LOXHD1: variants seen among roughly 807,000 people sequenced by gnomAD.
LOXHD1 encodes lipoxygenase homology domain-containing protein 1.
Under a neutral mutation model 248.2 loss-of-function variants are expected in LOXHD1, and 205 were observed. That is an observed-to-expected ratio of 0.83 (90% CI 0.74 to 0.93). The LOEUF is 0.93. Among genes scored for constraint, LOXHD1 ranks in the 40% least tolerant of loss-of-function variants. The pLI, the probability that LOXHD1 is intolerant of heterozygous loss-of-function variation, is 0.00. For synonymous variants in LOXHD1, 1,113 were observed against 1,162.8 expected, an observed-to-expected ratio of 0.96 and a Z score of 0.87; for missense variants, 2,930 against 2,971.6, an observed-to-expected ratio of 0.99 and a Z score of 0.33.
At chr18:46,497,952 C>T (rs564514076) in intron 37 of LOXHD1, among the ~76,000 whole-genome samples, 19 of 152,214 alleles carry the variant, frequency 1.2e-4, no homozygotes, top group African/African-American at 3.9e-4. Flanking sequence ...GTCACAAGGC[C>T]GAGGTCTCAG....
chr18:46,487,809 C>T (rs1232133528), intron 38 of LOXHD1, among the ~76,000 whole-genome samples: 1 of 152,134 alleles, frequency 6.6e-6, no homozygotes, highest in Non-Finnish European at 1.5e-5. Context: ...GTACTGAGAC[C>T]ACGGGAGCCT....
chr18:46,501,145 G>A (rs1295638535), intron 37 of LOXHD1, among the ~76,000 whole-genome samples: 89 of 152,280 alleles, frequency 5.8e-4, no homozygotes, highest in Non-Finnish European at 1.5e-5. Context: ...TTATTCACAT[G>A]TTCAATCTTT....
chr18:46,507,455 C>T lies in LOXHD1; in HGVS notation c.5692+83G>A, dbSNP rs2034643901. On this transcript the variant is annotated intron_variant, in intron 36 of 40. Coordinates refer to ENST00000642948, the MANE Select transcript of LOXHD1 (RefSeq NM_001384474.1). Reference sequence around the variant, plus strand: ...TGGAAGGCCTTATGAAGAAAAATGCCCTGACCAGAAACAAGGGCCTGAGCC... The same window carrying T: ...TGGAAGGCCTTATGAAGAAAAATGCTCTGACCAGAAACAAGGGCCTGAGCC... The T allele has an allele frequency of 8.7e-6, 13 of 1,492,598 alleles. No individual in the cohort carries two copies. The Middle Eastern group carries it at 5.4e-4, about 62-fold the overall frequency. 92.5% of individuals were successfully genotyped at this position (1,492,598 alleles called of 1,614,324 possible). A position where few individuals can be genotyped will look rare whatever the true frequency, so the allele number is the denominator to read the frequency against.
intron 29 of LOXHD1, among the ~76,000 whole-genome samples, chr18:46,526,781 C>T (rs2035849756): frequency 6.6e-6 from 1 of 152,208 alleles, no homozygotes; most frequent in Admixed American, 6.5e-5. Context: ...ACCATGCTGG[C>T]TCAGTGAGTG....
At chr18:46,621,659 GAAC>G (rs2038670240) in intron 4 of LOXHD1, among the ~76,000 whole-genome samples, 1 of 152,020 alleles carries the variant, frequency 6.6e-6, no homozygotes, top group Non-Finnish European at 1.5e-5. Flanking sequence ...TAATCTGTGA[GAAC>G]AAAACGCCCA....
At chr18:46,518,440 C>T (rs1406646116) in intron 33 of LOXHD1, among the ~76,000 whole-genome samples, 184 bp from the exon 34 acceptor site, 2 of 152,202 alleles carry the variant, frequency 1.3e-5, no homozygotes, top group East Asian at 1.9e-4. Flanking sequence ...TCTTATATAC[C>T]CCACTGTGCC....
intron 16 of LOXHD1, among the ~76,000 whole-genome samples, chr18:46,569,181 A>G (rs1047771669): frequency 6.6e-6 from 1 of 152,206 alleles, no homozygotes; most frequent in South Asian, 2.1e-4. Flanking sequence ...GCCACTAAAA[A>G]TACACATTCC....
Position 46,477,536 on chromosome 18 carries a change from C to A in LOXHD1, c.6758G>T (p.Gly2253Val). ...CCCCCGCTTCTTGTCCAGCCACCTGCCACAGTTGAAGATGGTGGCCACGCC... is the reference window on the plus strand; with the variant it reads ...CCCCCGCTTCTTGTCCAGCCACCTGACACAGTTGAAGATGGTGGCCACGCC... Reference protein sequence around the residue: ...STGVATIFNCGRWLDKKRGDG... With the variant: ...STGVATIFNCVRWLDKKRGDG... The change falls in exon 41 of 41, where the codon GGC (glycine) becomes GTC (valine). Residue 2253 changes from glycine (G) to valine (V), a missense_variant. By Grantham distance (109) the Gly-to-Val change is moderately radical (BLOSUM62 -3). Coordinates refer to ENST00000642948, the MANE Select transcript of LOXHD1 (RefSeq NM_001384474.1). The A allele has an allele frequency of 1.3e-6, 2 of 1,551,540 alleles. No homozygotes were observed. Among genetic ancestry groups the A allele is most frequent in the Non-Finnish European group, 1.7e-6 (2 of 1,146,992 alleles).
Position 46,522,085 on chromosome 18 carries a change from C to T in LOXHD1, c.5085+16G>A, listed in dbSNP as rs760841350. On this transcript the variant is annotated intron_variant, in intron 32 of 40. Coordinates refer to ENST00000642948, the MANE Select transcript of LOXHD1 (RefSeq NM_001384474.1). The stretch of plus-strand genomic sequence containing the variant: ...CCTAGGGTGGTCACTATCATGGGGC[C>T]CCGAGAAGCCAGCACCTCTATTTTC... 8 of 1,541,768 alleles carry T rather than the reference C, an allele frequency of 5.2e-6. No individual in the cohort carries two copies. The African/African-American group carries it at 1.1e-4, about 21-fold the overall frequency.
chr18:46,642,078 T>G, intron 2 of LOXHD1, 42 bp from the exon 3 acceptor site: 1 of 1,534,660 alleles, frequency 6.5e-7, no homozygotes, highest in Non-Finnish European at 8.8e-7. Context: ...AGCTGTTGGC[T>G]CACAGGCCTG....
chr18:46,517,372 G>A (rs1243833637), intron 34 of LOXHD1, among the ~76,000 whole-genome samples: 6 of 152,116 alleles, frequency 3.9e-5, no homozygotes, highest in South Asian at 2.1e-4. Flanking sequence ...ACAGCTTAAC[G>A]GCCATGGGAC....
At chr18:46,587,673 C>T (rs1367555303) in intron 12 of LOXHD1, among the ~76,000 whole-genome samples, 1 of 152,214 alleles carries the variant, frequency 6.6e-6, no homozygotes, top group Non-Finnish European at 1.5e-5. Context: ...AAAATTACAG[C>T]TCTGATTAAC....
At chr18:46,486,601 C>T (rs2033071501) in intron 38 of LOXHD1, among the ~76,000 whole-genome samples, 1 of 152,140 alleles carries the variant, frequency 6.6e-6, no homozygotes, top group African/African-American at 2.4e-5. Flanking sequence ...TCTGCTTTCC[C>T]ATGGGAGGTG....
chr18:46,524,844 T>C lies in LOXHD1; in HGVS notation c.4604A>G (p.Lys1535Arg), dbSNP rs2035753047. Residue 1535 changes from lysine to arginine, a missense_variant, in exon 30 of 41, where the codon AAG (lysine) becomes AGG (arginine). Transcript: ENST00000642948. ...YKIKLRHDNS[K>R]WCADWYVEKV... ...CTCCACGTACCAGTCTGCGCACCAC[T>C]TGGAGTTGTCATGGCGGAGCTTGAT... 1.3e-6 allele frequency: 2 copies of C among 1,551,654 alleles called. No homozygotes were observed. The highest frequency in any genetic ancestry group is 1.4e-5 in the African/African-American group (1 of 73,064).
At chr18:46,608,125 T>C (rs1368876738) in intron 6 of LOXHD1, among the ~76,000 whole-genome samples, 1 of 143,816 alleles carries the variant, frequency 7.0e-6, no homozygotes, top group African/African-American at 2.5e-5. Flanking sequence ...TCCTAGATGC[T>C]GTCTGGCAAG....
At chr18:46,550,229 A>G (rs1002313709) in intron 21 of LOXHD1, among the ~76,000 whole-genome samples, 1 of 152,210 alleles carries the variant, frequency 6.6e-6, no homozygotes, top group Non-Finnish European at 1.5e-5. Flanking sequence ...CTGAATTTTT[A>G]GGTTATTTGT....
intron 29 of LOXHD1, among the ~76,000 whole-genome samples, 190 bp downstream of exon 29, chr18:46,528,987 G>A (rs986295098): frequency 6.6e-6 from 1 of 152,038 alleles, no homozygotes; most frequent in African/African-American, 2.4e-5. Flanking sequence ...CAGGATCCAG[G>A]GTGGGTGCAT....
Position 46,522,095 on chromosome 18 carries a change from C to A in LOXHD1, c.5085+6G>T. ...TCACTATCATGGGGCCCCGAGAAGCCAGCACCTCTATTTTCTTGATGATGC... is the reference window on the plus strand; with the variant it reads ...TCACTATCATGGGGCCCCGAGAAGCAAGCACCTCTATTTTCTTGATGATGC... On this transcript the variant is annotated splice_donor_region_variant and intron_variant, in intron 32 of 40. Transcript: ENST00000642948. The A allele has an allele frequency of 6.5e-7, 1 of 1,546,498 alleles. No homozygotes were observed. The highest frequency in any genetic ancestry group is 8.7e-7 in the Non-Finnish European group (1 of 1,144,504).
chr18:46,641,891 A>G, intron 3 of LOXHD1, 65 bp downstream of exon 3: 1 of 1,445,664 alleles, frequency 6.9e-7, no homozygotes, highest in Non-Finnish European at 9.5e-7. Context: ...AGAAATTGTC[A>G]ATATTGAAGT....
Sources: allele counts gnomAD v4.1 joint callset (sites outside exome capture counted in the v4.1 genomes callset), GRCh38; gene constraint gnomAD v4.1.1; transcripts MANE v1.5; gene names NCBI Gene and HGNC (gene_info 2026-07-23, HGNC 2026-07-21).